Variants in G6PC3 observed in about 807,000 individuals in gnomAD.
G6PC3 encodes the protein glucose-6-phosphatase catalytic subunit 3.
A neutral mutation model predicts 38.6 loss-of-function variants in G6PC3; 30 were observed. That is an observed-to-expected ratio of 0.78 (90% CI 0.58 to 1.05). G6PC3 has a LOEUF of 1.05. Ranked by LOEUF, G6PC3 falls within the 50% of genes least tolerant of loss-of-function variation. The pLI is 0.00. For missense variants in G6PC3, 377 were observed against 443.1 expected (o/e 0.85, Z 1.34); for synonymous variants, 192 against 178.1 (o/e 1.08, Z -0.62).
intron 1 of G6PC3, chr17:44,071,754 T>C (rs1485296459): frequency 4.5e-6 from 3 of 665,562 alleles, no homozygotes; most frequent in South Asian, 1.5e-5. Context: ...AAACGCAGAC[T>C]CTCAGGCCCC....
chr17:44,071,599 G>T (rs775707161), intron 1 of G6PC3: 5 of 1,249,818 alleles, frequency 4.0e-6, no homozygotes, highest in South Asian at 3.8e-5. Flanking sequence ...TTTCATTCAT[G>T]TATTCATTCA....
intron 1 of G6PC3, 195 bp from the exon 2 acceptor site, chr17:44,073,965 G>A: frequency 1.5e-6 from 1 of 652,426 alleles, no homozygotes; most frequent in Non-Finnish European, 2.8e-6. Flanking sequence ...GAAATAGTGT[G>A]CTTTCTTTCT....
Position 44,071,133 on chromosome 17 carries a change from G to A in G6PC3, c.168G>A (p.Ala56=). ...AYYASRRVGI[A]VLWISLITEW... is the part of the protein sequence containing the mutation. ...ACGCCTCCCGCCGTGTGGGCATCGC[G>A]GTGCTCTGGATCAGCCTCATCACCG... Residue 56 remains alanine, a synonymous_variant, in exon 1 of 6, where the codon GCG becomes GCA. Coordinates refer to ENST00000269097, the MANE Select transcript of G6PC3 (RefSeq NM_138387.4). 1 of 1,614,002 alleles carries A rather than the reference G, an allele frequency of 6.2e-7. No homozygotes were observed. Among genetic ancestry groups the A allele is most frequent in the Middle Eastern group, 1.6e-4 (1 of 6,062 alleles).
chr17:44,075,136 GGGA>G (rs1185621163), intron 4 of G6PC3, 49 bp downstream of exon 4: 4 of 1,530,704 alleles, frequency 2.6e-6, no homozygotes, highest in Non-Finnish European at 9.1e-7. Flanking sequence ...CTTTGGCAGT[GGGA>G]GGATCAGTCT....
intron 5 of G6PC3, 66 bp from the exon 6 acceptor site, chr17:44,075,614 G>A: frequency 3.1e-6 from 5 of 1,605,256 alleles, no homozygotes; most frequent in South Asian, 1.1e-5. Context: ...CCCAAGGGCA[G>A]ATGGCCAAGA....
In G6PC3 at chr17:44,074,218, G is replaced by T. The variant is rs527707603; in HGVS notation, c.277G>T (p.Ala93Ser). ...CCATGAGTCTGGTTACTACAGCCAG[G>T]CTCCAGCCCAGGTTCACCAGTTCCC... is the stretch of plus-strand genomic sequence containing the variant. ...WVHESGYYSQ[A>S]PAQVHQFPSS... is the part of the protein sequence containing the mutation. The change falls in exon 2 of 6, where the codon GCT (alanine) becomes TCT (serine). Residue 93 changes from alanine to serine, a missense_variant. Physicochemically the swap from Ala to Ser is moderately conservative, Grantham distance 99. Coordinates refer to ENST00000269097, the MANE Select transcript of G6PC3 (RefSeq NM_138387.4). 5.0e-6 allele frequency: 8 copies of T among 1,614,036 alleles called. No individual in the cohort carries two copies. The South Asian group carries it at 8.8e-5, about 18-fold the overall frequency.
At chr17:44,075,273 C>T (rs919399393) in intron 4 of G6PC3, 37 bp from the exon 5 acceptor site, 1 of 1,613,478 alleles carries the variant, frequency 6.2e-7, no homozygotes. Flanking sequence ...GTCATATCCC[C>T]AGACTCCTTG....
At chr17:44,074,841 A>AT in intron 3 of G6PC3, 71 bp downstream of exon 3, 2 of 1,516,958 alleles carry the variant, frequency 1.3e-6, no homozygotes. Context: ...ACACAGCAGC[A>AT]TGGCAGCCTG....
intron 3 of G6PC3, 44 bp from the exon 4 acceptor site, chr17:44,074,925 T>C: frequency 1.3e-6 from 2 of 1,549,030 alleles, no homozygotes; most frequent in Non-Finnish European, 8.9e-7. Context: ...GAGGCCAAGC[T>C]GTGTATGGAC....
intron 5 of G6PC3, 40 bp downstream of exon 5, chr17:44,075,491 C>G: frequency 6.2e-7 from 1 of 1,613,480 alleles, no homozygotes; most frequent in Non-Finnish European, 8.5e-7. Context: ...TGGGCCCTGT[C>G]CTATCTCGCC....
chr17:44,075,887 C>A lies in G6PC3; in HGVS notation c.885C>A (p.Gly295=). Residue 295 remains glycine (G), a synonymous_variant, in exon 6 of 6, where the codon GGC becomes GGA. Transcript: ENST00000269097. ...ACLVLAMGLL[G]PLDWLGHPPQ... ...TTGTGCTGGCCATGGGGCTGCTGGG[C>A]CCCCTGGACTGGCTGGGCCACCCCC... The A allele has an allele frequency of 1.9e-6, 3 of 1,612,674 alleles. No homozygotes were observed. The highest frequency in any genetic ancestry group is 2.5e-6 in the Non-Finnish European group (3 of 1,180,000).
In G6PC3 at chr17:44,075,336, C is replaced by T. The variant is rs2050071597; in HGVS notation, c.562C>T (p.Pro188Ser). Reference protein sequence around the residue: ...TGAVLGWLMTPRVPMERELSF... With the variant: ...TGAVLGWLMTSRVPMERELSF... ...CGCTGTCCTGGGCTGGCTGATGACT[C>T]CCCGAGTGCCTATGGAGCGGGAGCT... The change falls in exon 5 of 6, where the codon CCC becomes TCC. Residue 188 changes from proline (P) to serine (S), a missense_variant. Physicochemically the swap from Pro to Ser is moderately conservative, Grantham distance 74. Transcript: ENST00000269097. The T allele has an allele frequency of 6.2e-7, 1 of 1,614,168 alleles. No homozygotes were observed. Among genetic ancestry groups the T allele is most frequent in the Middle Eastern group, 1.6e-4 (1 of 6,062 alleles).
intron 1 of G6PC3, chr17:44,072,141 T>G (rs1191446206): frequency 4.8e-6 from 1 of 206,496 alleles, no homozygotes; most frequent in Non-Finnish European, 1.0e-5. Flanking sequence ...CTCATCCTTA[T>G]GTAAAGGGAA....
chr17:44,074,096 C>A, intron 1 of G6PC3, 64 bp from the exon 2 acceptor site: 1 of 1,144,008 alleles, frequency 8.7e-7, no homozygotes. Context: ...GTGTCCTGCC[C>A]GCCTTGTACC....
In G6PC3 at chr17:44,075,452, G is replaced by A. The variant is rs778208850; in HGVS notation, c.677+1G>A. The A allele has an allele frequency of 3.1e-6, 5 of 1,614,146 alleles. No individual in the cohort carries two copies. The highest frequency in any genetic ancestry group is 1.1e-5 in the South Asian group (1 of 91,078). On this transcript the variant is annotated splice_donor_variant, in intron 5 of 5. Transcript: ENST00000269097. LOFTEE classifies it high-confidence loss of function. ...TTACACTGGGCCTGGATCTTTCTTG[G>A]TAAGTCTCGCTTTGAAGCCTGGGCA...
chr17:44,075,422 C>T lies in G6PC3; in HGVS notation c.648C>T (p.Thr216=). 2 of 1,614,178 alleles carry T rather than the reference C, an allele frequency of 1.2e-6. No individual in the cohort carries two copies. The highest frequency in any genetic ancestry group is 1.7e-6 in the Non-Finnish European group (2 of 1,180,024). The part of the protein sequence containing the change: ...LMLGTSLIYW[T]LFTLGLDLSW... ...TAGGCACCAGCCTCATCTATTGGAC[C>T]CTCTTTACACTGGGCCTGGATCTTT... The change falls in exon 5 of 6, where the codon ACC becomes ACT. Residue 216 remains threonine, a synonymous_variant. Coordinates refer to ENST00000269097, the MANE Select transcript of G6PC3 (RefSeq NM_138387.4).
Position 44,074,953 on chromosome 17 carries a change from C to A in G6PC3, c.417-16C>A. The A allele has an allele frequency of 6.2e-7, 1 of 1,604,782 alleles. No individual in the cohort carries two copies. The highest frequency in any genetic ancestry group is 8.5e-7 in the Non-Finnish European group (1 of 1,171,382). ...GTATGGACACGCTCTGAGCTCCTTG[C>A]CTCTCTTCTTTCTAGCCGCTGGGTA... On this transcript the variant is annotated splice_polypyrimidine_tract_variant and intron_variant, in intron 3 of 5. Transcript: ENST00000269097.
At chr17:44,071,905 C>T (rs1406548562) in intron 1 of G6PC3, 1 of 348,992 alleles carries the variant, frequency 2.9e-6, no homozygotes, top group Non-Finnish European at 5.8e-6. Context: ...CCAGTAGACT[C>T]TTCACACTGA....
chr17:44,075,980 C>T lies in G6PC3; in HGVS notation c.978C>T (p.Ala326=). 1 of 1,613,230 alleles carries T rather than the reference C, an allele frequency of 6.2e-7. No homozygotes were observed. ...KYTLWPCLVL[A]LVPWAVHMFS... Reference sequence around the variant, plus strand: ...CCCTCTGGCCATGCCTAGTCCTGGCCCTCGTGCCCTGGGCAGTGCACATGT... The same window carrying T: ...CCCTCTGGCCATGCCTAGTCCTGGCTCTCGTGCCCTGGGCAGTGCACATGT... The change falls in exon 6 of 6, where the codon GCC becomes GCT. Residue 326 remains alanine (A), a synonymous_variant. Coordinates refer to ENST00000269097, the MANE Select transcript of G6PC3 (RefSeq NM_138387.4).
Sources: gnomAD v4.1 joint callset for allele counts on GRCh38, gnomAD v4.1.1 for gene constraint, MANE v1.5 for transcripts, NCBI Gene and HGNC (gene_info 2026-07-23, HGNC 2026-07-21) for gene names.